Variants in TMEM232 observed in about 807,000 individuals in gnomAD.
TMEM232 encodes transmembrane protein 232.
A neutral mutation model predicts 78.8 loss-of-function variants in TMEM232; 80 were observed. That is an observed-to-expected ratio of 1.01 (90% CI 0.85 to 1.22). The LOEUF (loss-of-function observed/expected upper bound fraction) is 1.22, where lower values mean the gene tolerates loss of function less well. TMEM232 is among the 50% of genes most tolerant of loss of function. The pLI is 0.00. For synonymous variants in TMEM232, 297 were observed against 254.3 expected (o/e 1.17, Z -1.60); for missense variants, 881 against 742.2 (o/e 1.19, Z -2.17).
chr5:110,428,033 A>C (rs985289006), intron 12 of TMEM232, among the ~76,000 whole-genome samples: 2 of 151,856 alleles, frequency 1.3e-5, no homozygotes, highest in African/African-American at 4.8e-5. Flanking sequence ...TGTACAATTA[A>C]GTTATTGTTA....
At chr5:110,406,516 C>T (rs528642090) in intron 2 of TMEM232, among the ~76,000 whole-genome samples, 131 of 152,044 alleles carry the variant, frequency 8.6e-4, no homozygotes, top group African/African-American at 3.0e-3. Context: ...AACCTCAGAA[C>T]ATCATAGCCA....
At chr5:110,659,473 A>C (rs747114542) in intron 2 of TMEM232, among the ~76,000 whole-genome samples, 15 of 152,140 alleles carry the variant, frequency 9.9e-5, no homozygotes, top group Non-Finnish European at 1.5e-4. Context: ...CCTGGGAGAG[A>C]AGCTAATGCA....
chr5:110,451,883 G>A (rs886847281), intron 12 of TMEM232, among the ~76,000 whole-genome samples: 3 of 151,882 alleles, frequency 2.0e-5, no homozygotes, highest in African/African-American at 7.2e-5. Context: ...AATACAAGAA[G>A]AAATATAACT....
At chr5:110,615,221 T>C (rs1782774495) in intron 8 of TMEM232, among the ~76,000 whole-genome samples, 1 of 151,952 alleles carries the variant, frequency 6.6e-6, no homozygotes, top group Non-Finnish European at 1.5e-5. Context: ...ATAAAGAATG[T>C]TGCAGACTTT....
intron 2 of TMEM232, among the ~76,000 whole-genome samples, chr5:110,407,295 A>G (rs1755828386): frequency 6.6e-6 from 1 of 152,150 alleles, no homozygotes; most frequent in South Asian, 2.1e-4. Flanking sequence ...TGTTGCCTCA[A>G]GAAACCCACA....
chr5:110,566,404 A>T (rs778222866), intron 11 of TMEM232, among the ~76,000 whole-genome samples: 3 of 151,828 alleles, frequency 2.0e-5, no homozygotes, highest in Non-Finnish European at 4.4e-5. Flanking sequence ...TTCCCAAAAA[A>T]TGGGATGCAG....
At chr5:110,655,030 T>C (rs568168006) in intron 2 of TMEM232, among the ~76,000 whole-genome samples, 218 of 152,004 alleles carry the variant, frequency 1.4e-3, no homozygotes, top group African/African-American at 5.1e-3. Context: ...AAAGCAATGG[T>C]AACAAAAGCC....
chr5:110,464,820 G>C (rs911099447), intron 12 of TMEM232, among the ~76,000 whole-genome samples: 1 of 152,114 alleles, frequency 6.6e-6, no homozygotes, highest in African/African-American at 2.4e-5. Flanking sequence ...ATCAATCTAT[G>C]TATCTATCTG....
intron 1 of TMEM232, among the ~76,000 whole-genome samples, chr5:110,697,685 A>G (rs1304200013): frequency 3.3e-5 from 5 of 152,250 alleles, no homozygotes; most frequent in African/African-American, 1.2e-4. Context: ...GCAGCAACAG[A>G]CACATAAAAA....
intron 13 of TMEM232, among the ~76,000 whole-genome samples, chr5:110,423,732 CCT>C (rs1179530733): frequency 6.6e-6 from 1 of 151,616 alleles, no homozygotes; most frequent in Non-Finnish European, 1.5e-5. Context: ...ATAATACTCT[CCT>C]CTGTTTCTTT....
At chr5:110,426,358 C>G (rs1757233180) in intron 12 of TMEM232, among the ~76,000 whole-genome samples, 1 of 151,958 alleles carries the variant, frequency 6.6e-6, no homozygotes, top group African/African-American at 2.4e-5. Flanking sequence ...CCATTGTTTC[C>G]TCAGTGCCCA....
chr5:110,688,842 G>A (rs1305036682), intron 1 of TMEM232, among the ~76,000 whole-genome samples: 1 of 152,110 alleles, frequency 6.6e-6, no homozygotes, highest in African/African-American at 2.4e-5. Context: ...CCCATGTTTT[G>A]CCCACAGGGA....
chr5:110,535,343 G>C (rs557125720), intron 11 of TMEM232, among the ~76,000 whole-genome samples: 1 of 151,554 alleles, frequency 6.6e-6, no homozygotes, highest in African/African-American at 2.4e-5. Context: ...ACTCCTGCCT[G>C]CCAGAGAACA....
At chr5:110,466,144 C>T (rs1762049940) in intron 12 of TMEM232, among the ~76,000 whole-genome samples, 1 of 152,102 alleles carries the variant, frequency 6.6e-6, no homozygotes, top group Non-Finnish European at 1.5e-5. Flanking sequence ...AAGCTAATCA[C>T]AACTTTGAAA....
intron 10 of TMEM232, among the ~76,000 whole-genome samples, chr5:110,574,360 A>G (rs1253331203): frequency 1.3e-5 from 2 of 152,114 alleles, no homozygotes; most frequent in Admixed American, 1.3e-4. Flanking sequence ...GATAGTTTGG[A>G]CTTGGCAAAG....
At chr5:110,671,146 A>G (rs113923440) in intron 1 of TMEM232, among the ~76,000 whole-genome samples, 3,369 of 152,288 alleles carry the variant, frequency 0.022, 116 homozygotes, top group African/African-American at 0.077. Context: ...ACATATGATA[A>G]AAAGCTCATC....
chr5:110,489,887 A>G (rs1368516244), intron 12 of TMEM232, among the ~76,000 whole-genome samples: 2 of 152,124 alleles, frequency 1.3e-5, no homozygotes, highest in African/African-American at 4.8e-5. Context: ...GCACTTTGGA[A>G]GGCCGAGGCG....
At chr5:110,433,773 G>T (rs1416048778) in intron 12 of TMEM232, among the ~76,000 whole-genome samples, 1 of 151,944 alleles carries the variant, frequency 6.6e-6, no homozygotes, top group African/African-American at 2.4e-5. Context: ...CTTTATGGAT[G>T]AATCATATTT....
At chr5:110,448,181 C>T (rs1759872279) in intron 12 of TMEM232, among the ~76,000 whole-genome samples, 1 of 151,988 alleles carries the variant, frequency 6.6e-6, no homozygotes, top group African/African-American at 2.4e-5. Context: ...TTAGATCTCT[C>T]CCTTGCAGTA....
Sources: gnomAD v4.1 joint callset for allele counts (sites outside exome capture counted in the v4.1 genomes callset) on GRCh38, gnomAD v4.1.1 for gene constraint, MANE v1.5 for transcripts, NCBI Gene and HGNC (gene_info 2026-07-23, HGNC 2026-07-21) for gene names.